BBX: variants seen among roughly 807,000 people sequenced by gnomAD.
BBX encodes HMG box transcription factor BBX.
BBX carries 30 observed loss-of-function variants against 100.2 expected under a neutral mutation model. The ratio of observed to expected loss-of-function variants is 0.30; its 90% CI spans 0.22 to 0.41. The LOEUF is 0.41. BBX is among the 10% of genes least tolerant of loss of function. The pLI, the probability that BBX is intolerant of heterozygous loss-of-function variation, is 1.00. For synonymous variants in BBX, 376 were observed against 388.1 expected (o/e 0.97, Z 0.37); for missense variants, 1,023 against 1,129.8 (o/e 0.91, Z 1.35).
intron 13 of BBX, among the ~76,000 whole-genome samples, chr3:107,789,436 G>A (rs1336269158): frequency 6.6e-6 from 1 of 152,090 alleles, no homozygotes; most frequent in Non-Finnish European, 1.5e-5. Flanking sequence ...TTTCCTTCAT[G>A]GTATTTAGGA....
intron 2 of BBX, among the ~76,000 whole-genome samples, chr3:107,542,760 G>A (rs1025339047): frequency 6.6e-6 from 1 of 152,090 alleles, no homozygotes; most frequent in Non-Finnish European, 1.5e-5. Flanking sequence ...TTCCATCCCA[G>A]TTCATTCTGT....
chr3:107,636,911 A>C (rs956702657), intron 2 of BBX, among the ~76,000 whole-genome samples: 2 of 152,236 alleles, frequency 1.3e-5, no homozygotes, highest in African/African-American at 4.8e-5. Context: ...AATGGAAAAC[A>C]TAATTTTAAT....
chr3:107,618,802 G>C (rs1193792287), intron 2 of BBX, among the ~76,000 whole-genome samples: 1 of 152,022 alleles, frequency 6.6e-6, no homozygotes, highest in East Asian at 1.9e-4. Flanking sequence ...TGAAGAATGT[G>C]TTTTATAGCA....
chr3:107,628,067 A>G (rs190652848), intron 2 of BBX, among the ~76,000 whole-genome samples: 4 of 152,214 alleles, frequency 2.6e-5, no homozygotes, highest in Non-Finnish European at 5.9e-5. Context: ...ATAGGAATAA[A>G]ACAAGTTCAT....
chr3:107,805,394 C>G lies in BBX; in HGVS notation c.2763C>G (p.Thr921=), dbSNP rs771710015. Residue 921 remains threonine (T), a synonymous_variant, in exon 18 of 18, where the codon ACC becomes ACG. Coordinates refer to ENST00000325805, the MANE Select transcript of BBX (RefSeq NM_001142568.3). ...GAGGTCAGAGGTCAACTCCGCTCACCCATGATGGACAGCCAAAAGAAATGC... is the reference window on the plus strand; with the variant it reads ...GAGGTCAGAGGTCAACTCCGCTCACGCATGATGGACAGCCAAAAGAAATGC... The part of the protein sequence containing the change: ...VHRGQRSTPL[T]HDGQPKEMPQ... 2 of 1,613,960 alleles carry G rather than the reference C, an allele frequency of 1.2e-6. No homozygotes were observed. Among genetic ancestry groups the G allele is most frequent in the Non-Finnish European group, 1.7e-6 (2 of 1,179,922 alleles).
At chr3:107,530,550 G>A (rs1340382373) in intron 2 of BBX, among the ~76,000 whole-genome samples, 1 of 152,034 alleles carries the variant, frequency 6.6e-6, no homozygotes, top group Non-Finnish European at 1.5e-5. Context: ...AAAGTTCAGG[G>A]AATAAAACAA....
intron 16 of BBX, among the ~76,000 whole-genome samples, chr3:107,800,473 G>T (rs1477235179): frequency 6.6e-6 from 1 of 151,958 alleles, no homozygotes; most frequent in Non-Finnish European, 1.5e-5. Context: ...CTCTATAATG[G>T]CTACATAAGA....
Position 107,778,458 on chromosome 3 carries a change from T to C in BBX, c.2142T>C (p.Pro714=). 1 of 1,613,372 alleles carries C rather than the reference T, an allele frequency of 6.2e-7. No individual in the cohort carries two copies. The highest frequency in any genetic ancestry group is 8.5e-7 in the Non-Finnish European group (1 of 1,179,528). The change falls in exon 13 of 18, where the codon CCT becomes CCC. Residue 714 remains proline, a synonymous_variant. Transcript: ENST00000325805. ...SPVTFDRKCV[P]VPRKKKKTGN... ...TTACATTTGACCGGAAATGTGTACCTGTCCCAAGAAAAAAGAAGAAGACTG... is the reference window on the plus strand; with the variant it reads ...TTACATTTGACCGGAAATGTGTACCCGTCCCAAGAAAAAAGAAGAAGACTG...
At chr3:107,682,062 A>C (rs994472464) in intron 3 of BBX, among the ~76,000 whole-genome samples, 19 of 152,134 alleles carry the variant, frequency 1.2e-4, no homozygotes, top group Non-Finnish European at 2.8e-4. Context: ...TGATAGTAAA[A>C]ATCAGGTGTT....
intron 5 of BBX, among the ~76,000 whole-genome samples, chr3:107,726,909 A>G (rs983891685): frequency 1.3e-5 from 2 of 152,106 alleles, no homozygotes. Flanking sequence ...AAGAGAAATT[A>G]GGATGTGGTG....
Position 107,751,484 on chromosome 3 carries a change from A to G in BBX, c.825+3445A>G, listed in dbSNP as rs953278327. 1.4e-4 allele frequency among the ~76,000 whole-genome samples: 21 copies of G among 152,160 alleles called. 1 individual carries two copies. The highest frequency in any genetic ancestry group is 8.3e-4 in the South Asian group (4 of 4,824). On this transcript the variant is annotated intron_variant, in intron 9 of 17. Transcript: ENST00000325805. ...TATTTATCTTAGAAACATACTTTTA[A>G]CAGTAAACCCTGGTGATTTCTTTAA... is the stretch of plus-strand genomic sequence containing the variant.
intron 17 of BBX, 81 bp downstream of exon 17, chr3:107,801,362 G>C: frequency 1.4e-6 from 2 of 1,461,598 alleles, no homozygotes; most frequent in Non-Finnish European, 1.8e-6. Context: ...ATTTTTTACA[G>C]GGCATTGGGG....
At chr3:107,770,070 G>GT (rs1305558762) in intron 10 of BBX, among the ~76,000 whole-genome samples, 1 of 152,148 alleles carries the variant, frequency 6.6e-6, no homozygotes, top group Non-Finnish European at 1.5e-5. Flanking sequence ...AGTGTTCAGC[G>GT]TAATTACCTA....
At chr3:107,611,704 T>C (rs2054860467) in intron 2 of BBX, among the ~76,000 whole-genome samples, 1 of 152,150 alleles carries the variant, frequency 6.6e-6, no homozygotes, top group African/African-American at 2.4e-5. Context: ...TTAAATGCCT[T>C]GAGGTAGTCT....
chr3:107,566,175 CA>C (rs754905445), intron 2 of BBX, among the ~76,000 whole-genome samples: 10,858 of 52,996 alleles, frequency 0.2, 585 homozygotes, highest in Non-Finnish European at 0.26. Context: ...AACTCTGTCT[CA>C]AAAAAAAAAA....
chr3:107,676,774 C>A (rs2059302311), intron 3 of BBX, among the ~76,000 whole-genome samples: 1 of 152,056 alleles, frequency 6.6e-6, no homozygotes, highest in Non-Finnish European at 1.5e-5. Context: ...TGTTGTCCAC[C>A]AGCTCAGACC....
At chr3:107,735,503 ATAT>A (rs2107546484) in intron 7 of BBX, among the ~76,000 whole-genome samples, 1 of 152,214 alleles carries the variant, frequency 6.6e-6, no homozygotes, top group South Asian at 2.1e-4. Flanking sequence ...TTATTCTGAA[ATAT>A]TATTCTTAAA....
chr3:107,607,724 T>G (rs1409620779), intron 2 of BBX, among the ~76,000 whole-genome samples: 1 of 152,210 alleles, frequency 6.6e-6, no homozygotes, highest in Non-Finnish European at 1.5e-5. Flanking sequence ...CAGCATTTGC[T>G]GTTGCCTGTC....
At chr3:107,526,501 AC>A in intron 2 of BBX, 103 bp downstream of exon 2, 1 of 396,180 alleles carries the variant, frequency 2.5e-6, no homozygotes, top group Non-Finnish European at 4.4e-6. Flanking sequence ...GGGTTACAGC[AC>A]CCCAGAAACC....
Sources: gnomAD v4.1 joint callset for allele counts (sites outside exome capture counted in the v4.1 genomes callset) on GRCh38, gnomAD v4.1.1 for gene constraint, MANE v1.5 for transcripts, NCBI Gene and HGNC (gene_info 2026-07-23, HGNC 2026-07-21) for gene names.